CERS3: variants seen among roughly 807,000 people sequenced by gnomAD.
CERS3 encodes the protein ceramide synthase 3.
CERS3 carries 33 observed loss-of-function variants against 50.3 expected under a neutral mutation model. The observed-to-expected ratio is 0.66, with a 90% CI of 0.50 to 0.88. The LOEUF (loss-of-function observed/expected upper bound fraction) is 0.88. Among genes scored for constraint, CERS3 ranks in the 40% least tolerant of loss-of-function variants. The pLI, the probability that CERS3 is intolerant of heterozygous loss-of-function variation, is 0.00. For synonymous variants in CERS3, 176 were observed against 155.2 expected (o/e 1.13, Z -0.99); for missense variants, 470 against 460.3 (o/e 1.02, Z -0.19).
intron 1 of CERS3, among the ~76,000 whole-genome samples, chr15:100,522,550 G>A (rs2036668177): frequency 6.6e-6 from 1 of 152,168 alleles, no homozygotes. Flanking sequence ...ATGTAAATAC[G>A]ATTGTTTTGA....
chr15:100,519,299 C>T (rs2036578160), intron 2 of CERS3, among the ~76,000 whole-genome samples: 1 of 152,166 alleles, frequency 6.6e-6, no homozygotes, highest in African/African-American at 2.4e-5. Flanking sequence ...CTCTGACCCC[C>T]TTCACTCCCA....
At chr15:100,474,454 C>G (rs930515505) in intron 8 of CERS3, among the ~76,000 whole-genome samples, 1 of 151,686 alleles carries the variant, frequency 6.6e-6, no homozygotes. Context: ...CACCAGGCTG[C>G]AGTGCAGTGG....
intron 2 of CERS3, among the ~76,000 whole-genome samples, chr15:100,502,725 C>A (rs1166054003): frequency 4.6e-5 from 7 of 152,160 alleles, no homozygotes; most frequent in Non-Finnish European, 1.0e-4. Flanking sequence ...ATTAATAAGA[C>A]AGGCTTCCTG....
At chr15:100,446,294 T>C (rs1295433900) in intron 11 of CERS3, among the ~76,000 whole-genome samples, 1 of 151,766 alleles carries the variant, frequency 6.6e-6, no homozygotes, top group African/African-American at 2.4e-5. Flanking sequence ...GCACCACAAC[T>C]TTAACAGGAA....
At chr15:100,517,969 C>T (rs1450715119) in intron 2 of CERS3, among the ~76,000 whole-genome samples, 1 of 152,188 alleles carries the variant, frequency 6.6e-6, no homozygotes, top group African/African-American at 2.4e-5. Context: ...GGATTAGGCA[C>T]CTGTTGGAAT....
At chr15:100,525,643 T>G (rs945068542) in intron 1 of CERS3, among the ~76,000 whole-genome samples, 4 of 152,210 alleles carry the variant, frequency 2.6e-5, no homozygotes, top group African/African-American at 9.6e-5. Flanking sequence ...GGTCAAAGAT[T>G]CTTAATCTCT....
At chr15:100,485,203 G>C (rs1325509094) in intron 4 of CERS3, among the ~76,000 whole-genome samples, 1 of 152,176 alleles carries the variant, frequency 6.6e-6, no homozygotes, top group African/African-American at 2.4e-5. Context: ...TCCAACCAGT[G>C]TTAGCCATCC....
intron 11 of CERS3, among the ~76,000 whole-genome samples, chr15:100,439,718 G>C (rs989340381): frequency 1.3e-5 from 2 of 152,152 alleles, no homozygotes; most frequent in Non-Finnish European, 1.5e-5. Flanking sequence ...TTAAAAGGAG[G>C]CTTTACGGCT....
At chr15:100,429,880 C>T (rs2654605) in intron 11 of CERS3, among the ~76,000 whole-genome samples, 41,869 of 151,876 alleles carry the variant, frequency 0.28, 5,954 homozygotes, top group East Asian at 0.42. Flanking sequence ...AAGGTGAGCA[C>T]AATAAATTTA....
chr15:100,419,224 A>G (rs1350517009), intron 11 of CERS3, among the ~76,000 whole-genome samples: 58 of 127,332 alleles, frequency 4.6e-4, no homozygotes, highest in Non-Finnish European at 7.8e-4. Flanking sequence ...TCAAAATAAA[A>G]GGATGGAGGA....
chr15:100,538,811 C>T (rs952963183), intron 1 of CERS3, among the ~76,000 whole-genome samples: 3 of 152,206 alleles, frequency 2.0e-5, no homozygotes, highest in African/African-American at 7.2e-5. Flanking sequence ...GCTTGAATAT[C>T]GCCTCAGAAA....
At chr15:100,421,749 T>G (rs202014202) in intron 11 of CERS3, among the ~76,000 whole-genome samples, 69,664 of 129,894 alleles carry the variant, frequency 0.54, 19,335 homozygotes, top group Middle Eastern at 0.59. Context: ...TAGATCAATG[T>G]AACAGAACAG....
At chr15:100,482,027 G>A (rs1167745937) in intron 5 of CERS3, among the ~76,000 whole-genome samples, 2 of 152,188 alleles carry the variant, frequency 1.3e-5, no homozygotes, top group African/African-American at 2.4e-5. Flanking sequence ...TTTTCACTTC[G>A]AATACAGTAA....
At chr15:100,526,675 A>T (rs1239104818) in intron 1 of CERS3, among the ~76,000 whole-genome samples, 1 of 152,166 alleles carries the variant, frequency 6.6e-6, no homozygotes, top group African/African-American at 2.4e-5. Context: ...TCCACAAAGA[A>T]AGATAATCAC....
intron 11 of CERS3, among the ~76,000 whole-genome samples, chr15:100,406,049 T>C (rs2031000194): frequency 6.6e-6 from 1 of 152,230 alleles, no homozygotes; most frequent in African/African-American, 2.4e-5. Flanking sequence ...TCTCATGGTG[T>C]CTCAAAGTAA....
intron 11 of CERS3, among the ~76,000 whole-genome samples, chr15:100,427,580 C>T (rs2032891265): frequency 6.6e-6 from 1 of 152,180 alleles, no homozygotes; most frequent in Admixed American, 6.5e-5. Flanking sequence ...GCCTGGATTA[C>T]TTGTACTGTC....
At chr15:100,471,211 T>C (rs550358137) in intron 9 of CERS3, among the ~76,000 whole-genome samples, 17 of 152,154 alleles carry the variant, frequency 1.1e-4, no homozygotes, top group Non-Finnish European at 2.4e-4. Flanking sequence ...ACCTCTAAGA[T>C]TGGACAGTTC....
chr15:100,541,937 C>G (rs909284989), intron 1 of CERS3, among the ~76,000 whole-genome samples: 4 of 152,106 alleles, frequency 2.6e-5, no homozygotes, highest in African/African-American at 9.7e-5. Flanking sequence ...AAATGGGATA[C>G]TAGTCATTTA....
At chr15:100,446,497 T>C (rs1326666446) in intron 11 of CERS3, among the ~76,000 whole-genome samples, 1 of 151,884 alleles carries the variant, frequency 6.6e-6, no homozygotes, top group African/African-American at 2.4e-5. Context: ...CTTTGCCAAC[T>C]CTTCAGTGAT....
Sources: allele counts gnomAD v4.1 joint callset (sites outside exome capture counted in the v4.1 genomes callset), GRCh38; gene constraint gnomAD v4.1.1; transcripts MANE v1.5; gene names NCBI Gene and HGNC (gene_info 2026-07-23, HGNC 2026-07-21).